The following MS4A8 variants were observed in gnomAD, a reference collection of about 807,000 sequenced individuals.
The protein encoded by MS4A8 is membrane-spanning 4-domains subfamily A member 8.
In MS4A8, 27 loss-of-function variants were observed where a neutral mutation model predicts 23.7. The ratio of observed to expected loss-of-function variants is 1.14; its 90% CI spans 0.84 to 1.57. MS4A8 has a LOEUF of 1.57. Among genes scored for constraint, MS4A8 ranks in the 40% most tolerant of loss-of-function variants. The pLI is 0.00. For missense variants in MS4A8, 301 were observed against 311.4 expected (o/e 0.97, Z 0.25); for synonymous variants, 138 against 126.3 (o/e 1.09, Z -0.62).
At chr11:60,714,312 T>C (rs1469278209) in intron 5 of MS4A8, among the ~76,000 whole-genome samples, 2 of 152,138 alleles carry the variant, frequency 1.3e-5, no homozygotes, top group Non-Finnish European at 2.9e-5. Flanking sequence ...AACCCTGACT[T>C]GACACAGCAC....
intron 5 of MS4A8, chr11:60,712,099 C>A: frequency 3.5e-6 from 1 of 287,492 alleles, no homozygotes; most frequent in Non-Finnish European, 6.7e-6. Context: ...TGAAAAAGAC[C>A]AGCATACTTT....
intron 5 of MS4A8, 133 bp from the exon 6 acceptor site, chr11:60,714,888 T>A (rs1011342826): frequency 1.5e-5 from 10 of 658,450 alleles, no homozygotes; most frequent in Non-Finnish European, 2.2e-5. Context: ...GGTGGGAAAT[T>A]TCCCCCCACG....
At position 60,708,676 on chromosome 11, in the gene MS4A8, C is replaced by T. The variant is rs777499241; in HGVS notation, c.429C>T (p.Ile143=). The T allele has an allele frequency of 1.4e-5, 22 of 1,567,744 alleles. No individual in the cohort carries two copies. The highest frequency in any genetic ancestry group is 5.5e-5 in the African/African-American group (4 of 72,668). Residue 143 remains isoleucine (I), a synonymous_variant, in exon 5 of 7, where the codon ATC becomes ATT. Coordinates refer to ENST00000300226, the MANE Select transcript of MS4A8 (RefSeq NM_031457.2). ...CLLSGSLGLN[I]VSAICSAVGV... ...TGTCTGGCAGTTTGGGCTTGAACAT[C>T]GTCAGTGCAATCTGCTCTGCAGTTG...
chr11:60,714,932 C>T, intron 5 of MS4A8, 89 bp from the exon 6 acceptor site: 1 of 925,210 alleles, frequency 1.1e-6, no homozygotes, highest in Non-Finnish European at 1.8e-6. Context: ...TCCGCAAAGC[C>T]ACAAAGAGTC....
intron 5 of MS4A8, among the ~76,000 whole-genome samples, chr11:60,713,428 T>C (rs921650083): frequency 1.1e-4 from 16 of 152,062 alleles, no homozygotes; most frequent in African/African-American, 3.1e-4. Context: ...GGTAAACACG[T>C]GAACAAATGT....
chr11:60,707,043 G>A lies in MS4A8; in HGVS notation c.398G>A (p.Cys133Tyr), dbSNP rs777499721. ...VAAENQPYSY[C>Y]LLSGSLGLNI... ...GCAGAAAATCAGCCATATTCTTATT[G>A]CCTGGTAAGTTACATTCTGAGACCA... Residue 133 changes from cysteine (C) to tyrosine (Y), a missense_variant, in exon 4 of 7, where the codon TGC becomes TAC. Cys to Tyr is a radical substitution (Grantham distance 194). Coordinates refer to ENST00000300226, the MANE Select transcript of MS4A8 (RefSeq NM_031457.2). The A allele has an allele frequency of 6.2e-7, 1 of 1,613,630 alleles. No individual in the cohort carries two copies. The highest frequency in any genetic ancestry group is 8.5e-7 in the Non-Finnish European group (1 of 1,179,566).
chr11:60,712,655 A>T (rs997318711), intron 5 of MS4A8: 4 of 228,250 alleles, frequency 1.8e-5, no homozygotes, highest in Non-Finnish European at 2.9e-5. Context: ...TTAGCCAGGC[A>T]TGGTAGCGCG....
chr11:60,703,188 A>T, intron 2 of MS4A8, 190 bp from the exon 3 acceptor site: 1 of 569,230 alleles, frequency 1.8e-6, no homozygotes, highest in Non-Finnish European at 2.7e-6. Context: ...GGGAGAATAC[A>T]CCAAAATGTA....
At chr11:60,703,917 CT>C (rs199660262) in intron 3 of MS4A8, among the ~76,000 whole-genome samples, 2,142 of 152,156 alleles carry the variant, frequency 0.014, 116 homozygotes, top group Admixed American at 0.1. Flanking sequence ...AGGGTCCCCC[CT>C]GATGACCTCA....
intron 5 of MS4A8, among the ~76,000 whole-genome samples, chr11:60,713,336 G>A (rs1159332762): frequency 6.6e-6 from 1 of 152,184 alleles, no homozygotes; most frequent in Non-Finnish European, 1.5e-5. Context: ...ATCCACGTGG[G>A]CACTGGCCTC....
At chr11:60,714,549 G>T (rs538729143) in intron 5 of MS4A8, among the ~76,000 whole-genome samples, 1 of 152,258 alleles carries the variant, frequency 6.6e-6, no homozygotes, top group South Asian at 2.1e-4. Flanking sequence ...AGACATCCTT[G>T]CTTTGGGAAG....
intron 2 of MS4A8, chr11:60,701,496 T>C (rs1295111281): frequency 1.4e-5 from 5 of 360,754 alleles, no homozygotes; most frequent in Non-Finnish European, 2.2e-5. Flanking sequence ...ACAACATAAA[T>C]GGTCACCGCA....
intron 5 of MS4A8, among the ~76,000 whole-genome samples, chr11:60,710,710 T>G (rs1488075280): frequency 6.6e-6 from 1 of 152,120 alleles, no homozygotes; most frequent in Non-Finnish European, 1.5e-5. Context: ...GCTGGCATCT[T>G]ACTCAGAAAA....
chr11:60,712,917 TC>T (rs1271966145), intron 5 of MS4A8, among the ~76,000 whole-genome samples: 1 of 152,208 alleles, frequency 6.6e-6, no homozygotes, highest in African/African-American at 2.4e-5. Flanking sequence ...AATGGGAGTC[TC>T]CTGGATGGAC....
intron 2 of MS4A8, 179 bp from the exon 3 acceptor site, chr11:60,703,199 A>C: frequency 1.6e-6 from 1 of 633,324 alleles, no homozygotes; most frequent in Non-Finnish European, 2.4e-6. Context: ...CCAAAATGTA[A>C]ACAGTTGTTT....
At position 60,714,981 on chromosome 11, in the gene MS4A8, A is replaced by C. The variant is rs772207684; in HGVS notation, c.535-40A>C. ...CAGTGAGAGGTCAGTTCGGACTCCC[A>C]GTCCCGTGCTCCTGTCCTCCCCATC... On this transcript the variant is annotated intron_variant, in intron 5 of 6. Transcript: ENST00000300226. 2.1e-6 allele frequency: 3 copies of C among 1,440,350 alleles called. No homozygotes were observed. In the South Asian group the frequency reaches 3.4e-5, roughly 16 times the overall value. The allele number at this position is 1,440,350 out of a possible 1,614,324, so 89.2% of individuals were successfully genotyped here.
At chr11:60,711,898 C>T (rs2088303758) in intron 5 of MS4A8, 2 of 455,768 alleles carry the variant, frequency 4.4e-6, no homozygotes, top group Admixed American at 4.7e-5. Flanking sequence ...CTTCAAGCCT[C>T]AGTCATCCCA....
At chr11:60,714,005 A>G (rs1256321885) in intron 5 of MS4A8, among the ~76,000 whole-genome samples, 6 of 145,062 alleles carry the variant, frequency 4.1e-5, no homozygotes, top group Non-Finnish European at 8.9e-5. Context: ...GCTCACTGCA[A>G]GCTCCACTTC....
chr11:60,715,147 G>T lies in MS4A8; in HGVS notation c.648+13G>T, dbSNP rs371475603. The T allele has an allele frequency of 8.3e-5, 133 of 1,597,552 alleles. No homozygotes were observed. The highest frequency in any genetic ancestry group is 1.1e-4 in the Non-Finnish European group (128 of 1,164,938). ...TCAATCAAGCAATGTGAGTCCCAGG[G>T]TTCCTCAGTGGGTGGAAAGATGCCC... On this transcript the variant is annotated intron_variant, in intron 6 of 6. Coordinates refer to ENST00000300226, the MANE Select transcript of MS4A8 (RefSeq NM_031457.2).
Sources: allele counts gnomAD v4.1 joint callset (sites outside exome capture counted in the v4.1 genomes callset), GRCh38; gene constraint gnomAD v4.1.1; transcripts MANE v1.5; gene names NCBI Gene and HGNC (gene_info 2026-07-23, HGNC 2026-07-21).